CRELD1: variants seen among roughly 807,000 people sequenced by gnomAD.
CRELD1 encodes CRELD disulfide isomerase 1.
A neutral mutation model predicts 58.2 loss-of-function variants in CRELD1; 42 were observed. That is an observed-to-expected ratio of 0.72 (90% CI 0.56 to 0.93). The LOEUF (loss-of-function observed/expected upper bound fraction) is 0.93, where lower values mean the gene tolerates loss of function less well. Ranked by LOEUF, CRELD1 falls within the 40% of genes least tolerant of loss-of-function variation. The pLI is 0.00. For synonymous variants in CRELD1, 222 were observed against 202.0 expected (o/e 1.10, Z -0.84); for missense variants, 500 against 540.6 (o/e 0.92, Z 0.74).
At position 9,941,034 on chromosome 3, in the gene CRELD1, G is replaced by A; in HGVS notation, c.637+8G>A. ...GCCATCTGGTATGTTCGGGTAGGTA[G>A]CCAAAAGGTGTGGCACTGGGCAGGG... On this transcript the variant is annotated splice_region_variant and intron_variant, in intron 6 of 10. Coordinates refer to ENST00000452070, the MANE Select transcript of CRELD1 (RefSeq NM_001077415.3). The A allele has an allele frequency of 6.2e-7, 1 of 1,614,216 alleles. No homozygotes were observed. The highest frequency in any genetic ancestry group is 8.5e-7 in the Non-Finnish European group (1 of 1,180,036).
chr3:9,943,364 C>T lies in CRELD1; in HGVS notation c.914-17C>T. 5.6e-6 allele frequency: 9 copies of T among 1,613,650 alleles called. No homozygotes were observed. The highest frequency in any genetic ancestry group is 7.6e-6 in the Non-Finnish European group (9 of 1,179,920). ...TGGGGGGCCCTAGCAGGACTCTGAC[C>T]CCTCCCTCCCCTCAAGATGTGGATG... On this transcript the variant is annotated splice_polypyrimidine_tract_variant and intron_variant, in intron 9 of 10. Transcript: ENST00000452070.
rs576690269 is a variant in CRELD1, at chr3:9,933,863, G to T, written c.-77G>T. 1.7e-4 allele frequency: 86 copies of T among 498,778 alleles called. 1 individual carries two copies. In the South Asian group the frequency reaches 2.0e-3, roughly 11 times the overall value. The allele number at this position is 498,778 out of a possible 1,614,324, so 30.9% of individuals were successfully genotyped here. On this transcript the variant is annotated 5_prime_UTR_variant, in exon 1 of 11. Transcript: ENST00000452070. The stretch of plus-strand genomic sequence containing the variant: ...TGTGGCAGCGACGCGGTGAGGAGAC[G>T]GCCCACGGCGCCCGCGGGCTGGGGC...
At chr3:9,937,129 G>C (rs2085217103) in intron 3 of CRELD1, among the ~76,000 whole-genome samples, 2 of 152,198 alleles carry the variant, frequency 1.3e-5, no homozygotes, top group Admixed American at 1.3e-4. Context: ...TTGAGGAACT[G>C]CTTTTCCACA....
chr3:9,936,511 G>T (rs1559335007), intron 3 of CRELD1, among the ~76,000 whole-genome samples: 1 of 142,056 alleles, frequency 7.0e-6, no homozygotes, highest in Non-Finnish European at 1.6e-5. Context: ...ATATATATGT[G>T]CATATATGTC....
intron 5 of CRELD1, 91 bp downstream of exon 5, chr3:9,938,197 C>A: frequency 6.1e-6 from 6 of 991,026 alleles, no homozygotes; most frequent in Non-Finnish European, 9.4e-6. Flanking sequence ...TGTGTGAACT[C>A]AGGCTACTCA....
In CRELD1 at chr3:9,943,376, T is replaced by G; in HGVS notation, c.914-5T>G. ...GCAGGACTCTGACCCCTCCCTCCCC[T>G]CAAGATGTGGATGAGTGTGAGACAG... On this transcript the variant is annotated splice_polypyrimidine_tract_variant and splice_region_variant and intron_variant, in intron 9 of 10. Coordinates refer to ENST00000452070, the MANE Select transcript of CRELD1 (RefSeq NM_001077415.3). 6.2e-7 allele frequency: 1 copy of G among 1,613,666 alleles called. No homozygotes were observed. The highest frequency in any genetic ancestry group is 1.7e-5 in the Admixed American group (1 of 60,006).
At position 9,944,403 on chromosome 3, in the gene CRELD1, T is replaced by A. The variant is rs1329581226; in HGVS notation, c.1087T>A (p.Leu363Met). 1 of 1,614,060 alleles carries A rather than the reference T, an allele frequency of 6.2e-7. No homozygotes were observed. Among genetic ancestry groups the A allele is most frequent in the Non-Finnish European group, 8.5e-7 (1 of 1,180,022 alleles). ...CTTCTCAGAGATGACAGAAGACGAG[T>A]TGGTGGTGCTGCAGCAGATGTTCTT... is the stretch of plus-strand genomic sequence containing the variant. ...GFFSEMTEDELVVLQQMFFGI... is the reference protein window; with the variant it reads ...GFFSEMTEDEMVVLQQMFFGI... The change falls in exon 11 of 11, where the codon TTG becomes ATG. Residue 363 changes from leucine to methionine, a missense_variant. Transcript: ENST00000452070.
In CRELD1 at chr3:9,943,061, T is replaced by C. The variant is rs554925730; in HGVS notation, c.818-16T>C. The C allele has an allele frequency of 1.2e-6, 2 of 1,612,498 alleles. No individual in the cohort carries two copies. Among genetic ancestry groups the C allele is most frequent in the East Asian group, 2.2e-5 (1 of 44,852 alleles). ...TAGGTGCACATCTCACCCTCATCTTTCTCTCCTCTCTCCAGACTGTGCCAA... is the reference window on the plus strand; with the variant it reads ...TAGGTGCACATCTCACCCTCATCTTCCTCTCCTCTCTCCAGACTGTGCCAA... On this transcript the variant is annotated splice_polypyrimidine_tract_variant and intron_variant, in intron 8 of 10. Coordinates refer to ENST00000452070, the MANE Select transcript of CRELD1 (RefSeq NM_001077415.3).
At chr3:9,938,186 C>T (rs1489774693) in intron 5 of CRELD1, 80 bp downstream of exon 5, 2 of 1,107,528 alleles carry the variant, frequency 1.8e-6, no homozygotes, top group Non-Finnish European at 2.7e-6. Context: ...CCCTAGTTCG[C>T]TGTGTGAACT....
chr3:9,934,004 G>C (rs1053970433), intron 1 of CRELD1, 84 bp downstream of exon 1: 18 of 308,888 alleles, frequency 5.8e-5, no homozygotes, highest in Non-Finnish European at 1.1e-4. Flanking sequence ...CTTCATATCC[G>C]GATCCGGGCT....
At chr3:9,939,466 A>G (rs2085286671) in intron 5 of CRELD1, among the ~76,000 whole-genome samples, 1 of 152,190 alleles carries the variant, frequency 6.6e-6, no homozygotes, top group Admixed American at 6.5e-5. Context: ...TTTCCTAGGC[A>G]GAGGACCCTG....
At chr3:9,942,718 A>G (rs1256434548) in intron 7 of CRELD1, 95 bp from the exon 8 acceptor site, 10 of 976,908 alleles carry the variant, frequency 1.0e-5, no homozygotes, top group African/African-American at 8.0e-5. Context: ...CTGCCATACC[A>G]TTTAATCCCA....
chr3:9,943,846 A>G, intron 10 of CRELD1: 1 of 1,613,880 alleles, frequency 6.2e-7, no homozygotes, highest in Non-Finnish European at 8.5e-7. Flanking sequence ...GGGTAATCAC[A>G]ACGATGATGG....
At chr3:9,939,629 C>T (rs888245398) in intron 5 of CRELD1, among the ~76,000 whole-genome samples, 13 of 152,214 alleles carry the variant, frequency 8.5e-5, no homozygotes, top group Non-Finnish European at 1.8e-4. Context: ...GCACATGTTT[C>T]AGAGAGCACA....
In CRELD1 at chr3:9,944,437, T is replaced by A; in HGVS notation, c.1121T>A (p.Ile374Asn). 6.2e-7 allele frequency: 1 copy of A among 1,614,036 alleles called. No homozygotes were observed. The highest frequency in any genetic ancestry group is 8.5e-7 in the Non-Finnish European group (1 of 1,180,020). The change falls in exon 11 of 11, where the codon ATC (isoleucine) becomes AAC (asparagine). Residue 374 changes from isoleucine to asparagine, a missense_variant. Ile to Asn is a moderately radical substitution (Grantham distance 149). Transcript: ENST00000452070. ...VVLQQMFFGI[I>N]ICALATLAAK... ...CTGCAGCAGATGTTCTTTGGCATCA[T>A]CATCTGTGCACTGGCCACGCTGGCT...
At chr3:9,942,376 A>G (rs1306362501) in intron 7 of CRELD1, among the ~76,000 whole-genome samples, 1 of 152,128 alleles carries the variant, frequency 6.6e-6, no homozygotes, top group Non-Finnish European at 1.5e-5. Flanking sequence ...GCTAGTCATA[A>G]TCATTCCAGT....
At chr3:9,938,220 T>C (rs1402390139) in intron 5 of CRELD1, 114 bp downstream of exon 5, 1 of 809,220 alleles carries the variant, frequency 1.2e-6, no homozygotes, top group Non-Finnish European at 2.1e-6. Context: ...TAAACTTCTC[T>C]GGACCTCAGT....
chr3:9,942,446 T>G (rs56125067), intron 7 of CRELD1, among the ~76,000 whole-genome samples: 24,168 of 152,046 alleles, frequency 0.16, 2,015 homozygotes, highest in South Asian at 0.2. Context: ...TCTGCATGGT[T>G]GAAGCTGAGT....
Position 9,940,449 on chromosome 3 carries a change from C to T in CRELD1, c.461-401C>T, listed in dbSNP as rs901098528. Among the ~76,000 whole-genome samples the T allele has an allele frequency of 2.2e-4, 34 of 152,218 alleles. No individual in the cohort carries two copies. The South Asian group carries it at 3.3e-3, about 15-fold the overall frequency. ...GGGAGGCCGAGGCTGGCGGATCACT[C>T]GCGTTTAGGAGCTGGAGACCGGCCC... On this transcript the variant is annotated intron_variant, in intron 5 of 10. Transcript: ENST00000452070.
Sources: gnomAD v4.1 joint callset for allele counts (sites outside exome capture counted in the v4.1 genomes callset) on GRCh38, gnomAD v4.1.1 for gene constraint, MANE v1.5 for transcripts, NCBI Gene and HGNC (gene_info 2026-07-23, HGNC 2026-07-21) for gene names.